MYOF: variants seen among roughly 807,000 people sequenced by gnomAD.
The protein encoded by MYOF is fer-1-like 3, myoferlin.
MYOF carries 244 observed loss-of-function variants against 284.2 expected under a neutral mutation model. The observed-to-expected ratio is 0.86, with a 90% CI of 0.77 to 0.95. The LOEUF (loss-of-function observed/expected upper bound fraction) is 0.95, where lower values mean the gene tolerates loss of function less well. Ranked by LOEUF, MYOF falls within the 40% of genes least tolerant of loss-of-function variation. The pLI, the probability that MYOF is intolerant of heterozygous loss-of-function variation, is 0.00. For missense variants in MYOF, 2,496 were observed against 2,560.6 expected (o/e 0.97, Z 0.54); for synonymous variants, 904 against 919.7 (o/e 0.98, Z 0.31).
chr10:93,325,172 C>A (rs987100081), intron 46 of MYOF, among the ~76,000 whole-genome samples: 1 of 152,184 alleles, frequency 6.6e-6, no homozygotes, highest in African/African-American at 2.4e-5. Flanking sequence ...GGATCCAAAT[C>A]TCTGCAGACA....
At chr10:93,479,627 C>T (rs7478534) in intron 1 of MYOF, among the ~76,000 whole-genome samples, 29,715 of 152,032 alleles carry the variant, frequency 0.2, 3,425 homozygotes, top group Middle Eastern at 0.28. Context: ...ATCTAAAAGA[C>T]GGAAGGCATC....
chr10:93,415,699 T>C (rs1453709050), intron 5 of MYOF, among the ~76,000 whole-genome samples: 1 of 152,238 alleles, frequency 6.6e-6, no homozygotes, highest in East Asian at 1.9e-4. Flanking sequence ...GAACTATCTG[T>C]GCTCCCTGAC....
chr10:93,349,538 A>G (rs1305696970), intron 36 of MYOF, among the ~76,000 whole-genome samples: 1 of 152,234 alleles, frequency 6.6e-6, no homozygotes, highest in Non-Finnish European at 1.5e-5. Context: ...CTTGTAATAG[A>G]TAGCTGAATA....
intron 52 of MYOF, 139 bp downstream of exon 52, chr10:93,310,395 C>G: frequency 1.0e-6 from 1 of 998,690 alleles, no homozygotes; most frequent in Non-Finnish European, 1.5e-6. Flanking sequence ...AGATCACCAA[C>G]CTCTCCACCC....
intron 7 of MYOF, among the ~76,000 whole-genome samples, chr10:93,405,294 C>T (rs1323210322): frequency 6.6e-6 from 1 of 152,196 alleles, no homozygotes; most frequent in African/African-American, 2.4e-5. Context: ...CAAATTTCTC[C>T]AATCATCCCT....
rs748256668 is a variant in MYOF at position 93,313,227 on chromosome 10, C to T, written c.5699-17G>A. 2 of 1,607,636 alleles carry T rather than the reference C, an allele frequency of 1.2e-6. No homozygotes were observed. The highest frequency in any genetic ancestry group is 2.2e-5 in the East Asian group (1 of 44,798). On this transcript the variant is annotated splice_polypyrimidine_tract_variant and intron_variant, in intron 50 of 53. Transcript: ENST00000359263. Reference sequence around the variant, plus strand: ...CTAGGAAACCTAGCCAAGGAAACAACAGTAAGTCCAAATGAGCTTCAAGTG... The same window carrying T: ...CTAGGAAACCTAGCCAAGGAAACAATAGTAAGTCCAAATGAGCTTCAAGTG...
intron 3 of MYOF, among the ~76,000 whole-genome samples, chr10:93,443,176 T>A (rs902143329): frequency 6.6e-6 from 1 of 152,142 alleles, no homozygotes; most frequent in Non-Finnish European, 1.5e-5. Context: ...AAATTTTTTT[T>A]AAAGAATTAT....
rs747417230 is a variant in MYOF at position 93,364,113 on chromosome 10, C to T, written c.2754-38G>A. The T allele has an allele frequency of 1.9e-5, 30 of 1,566,082 alleles. No homozygotes were observed. In the African/African-American group the frequency reaches 2.3e-4, roughly 12 times the overall value. On this transcript the variant is annotated intron_variant, in intron 26 of 53. Coordinates refer to ENST00000359263, the MANE Select transcript of MYOF (RefSeq NM_013451.4). ...GAGGGCTCAAGTTACCCAAGGAGACCGGGTAACCGGCAGCCTCGGCGATTG... is the reference window on the plus strand; with the variant it reads ...GAGGGCTCAAGTTACCCAAGGAGACTGGGTAACCGGCAGCCTCGGCGATTG...
intron 17 of MYOF, among the ~76,000 whole-genome samples, chr10:93,389,637 T>A (rs141575743): frequency 2.1e-3 from 314 of 152,368 alleles, no homozygotes; most frequent in African/African-American, 6.6e-3. Context: ...AAATTTTATA[T>A]GTAATAATAA....
chr10:93,374,471 G>A (rs1367687924), intron 23 of MYOF, among the ~76,000 whole-genome samples: 1 of 152,146 alleles, frequency 6.6e-6, no homozygotes, highest in East Asian at 1.9e-4. Flanking sequence ...CCTGTGAACT[G>A]CAAAGACCAT....
At chr10:93,404,113 C>T in intron 8 of MYOF, 40 bp from the exon 9 acceptor site, 2 of 1,613,882 alleles carry the variant, frequency 1.2e-6, no homozygotes, top group East Asian at 2.2e-5. Context: ...ATTGGCTTTG[C>T]CTGGCAGTGA....
chr10:93,408,391 G>T (rs1273137493), intron 7 of MYOF, among the ~76,000 whole-genome samples: 2 of 152,024 alleles, frequency 1.3e-5, no homozygotes, highest in Non-Finnish European at 2.9e-5. Flanking sequence ...TATAAAATTA[G>T]CCAGGTGTGG....
intron 18 of MYOF, 71 bp downstream of exon 18, chr10:93,388,959 T>A: frequency 6.5e-7 from 1 of 1,548,836 alleles, no homozygotes; most frequent in South Asian, 1.2e-5. Context: ...CAATACTTGA[T>A]CAGACATTAT....
At chr10:93,402,736 T>C in intron 10 of MYOF, 124 bp downstream of exon 10, 1 of 836,540 alleles carries the variant, frequency 1.2e-6, no homozygotes, top group African/African-American at 1.7e-5. Context: ...GAAAATATTT[T>C]TTAAAAAATT....
intron 17 of MYOF, among the ~76,000 whole-genome samples, chr10:93,392,337 T>G (rs1337945258): frequency 6.6e-6 from 1 of 152,132 alleles, no homozygotes; most frequent in Non-Finnish European, 1.5e-5. Flanking sequence ...TCTCTAAACC[T>G]CAGAGTCTTC....
rs143638630 is a variant in MYOF, at chr10:93,318,447, C to A, written c.5598+1425G>T. ...AAAAGAAAAAAGTCCCCTTTGAAGG[C>A]GTTCATCCCACTGGTATTAAAACAG... On this transcript the variant is annotated intron_variant, in intron 49 of 53. Transcript: ENST00000359263. Among the ~76,000 whole-genome samples the A allele has an allele frequency of 5.7e-3, 872 of 151,666 alleles. 23 individuals are homozygous for A. Among genetic ancestry groups the A allele is most frequent in the East Asian group, 0.011 (57 of 5,088 alleles).
At position 93,328,783 on chromosome 10, in the gene MYOF, T is replaced by C; in HGVS notation, c.5111A>G (p.Asp1704Gly). The C allele has an allele frequency of 6.2e-7, 1 of 1,612,888 alleles. No homozygotes were observed. The highest frequency in any genetic ancestry group is 8.5e-7 in the Non-Finnish European group (1 of 1,178,926). The change falls in exon 45 of 54, where the codon GAC becomes GGC. Residue 1704 changes from aspartate (D) to glycine (G), a missense_variant. Asp to Gly is a moderately conservative substitution (Grantham distance 94). This residue lies in a region of MYOF where 2,436 missense variants were observed against 2,480.7 expected (regional missense o/e 0.98). Coordinates refer to ENST00000359263, the MANE Select transcript of MYOF (RefSeq NM_013451.4). ...DGSRIRYGGR[D>G]YSLDEFEANK... ...CTCACCAAATTCATCCAAGCTGTAG[T>C]CTCGTCCTCCATATCTGATTCTACT...
chr10:93,405,008 A>T (rs1847488644), intron 7 of MYOF, among the ~76,000 whole-genome samples: 1 of 152,222 alleles, frequency 6.6e-6, no homozygotes, highest in African/African-American at 2.4e-5. Flanking sequence ...TTTTCCTCCA[A>T]CTTTTTACTT....
At position 93,310,595 on chromosome 10, in the gene MYOF, C is replaced by G. The variant is rs774438879; in HGVS notation, c.5938G>C (p.Glu1980Gln). The G allele has an allele frequency of 6.2e-7, 1 of 1,614,194 alleles. No homozygotes were observed. The highest frequency in any genetic ancestry group is 1.3e-5 in the African/African-American group (1 of 75,052). ...TCCCGCCCCTTCCCGGCTGGCCTCT[C>G]GTCGGCCTCCTTCTCGTTGAGGATT... ...LEILNEKEAD[E>Q]RPAGKGRDEP... The change falls in exon 52 of 54, where the codon GAG (glutamate) becomes CAG (glutamine). Residue 1980 changes from glutamate to glutamine, a missense_variant. Glu to Gln is a conservative substitution (Grantham distance 29, BLOSUM62 2). This residue lies in a region of MYOF where 2,436 missense variants were observed against 2,480.7 expected (regional missense o/e 0.98). Coordinates refer to ENST00000359263, the MANE Select transcript of MYOF (RefSeq NM_013451.4).
Sources: gnomAD v4.1 joint callset for allele counts (sites outside exome capture counted in the v4.1 genomes callset) on GRCh38, gnomAD v4.1.1 for gene constraint, gnomAD v4.1.1 regional missense constraint, MANE v1.5 for transcripts, NCBI Gene and HGNC (gene_info 2026-07-23, HGNC 2026-07-21) for gene names.